ESCO1: variants seen among roughly 807,000 people sequenced by gnomAD.
The protein encoded by ESCO1 is N-acetyltransferase ESCO1.
In ESCO1, 33 loss-of-function variants were observed where a neutral mutation model predicts 83.5. The observed-to-expected ratio is 0.40, with a 90% CI of 0.30 to 0.53. ESCO1 has a LOEUF of 0.53. Among genes scored for constraint, ESCO1 ranks in the 20% least tolerant of loss-of-function variants. The pLI is 0.63. For missense variants in ESCO1, 855 were observed against 968.0 expected (o/e 0.88, Z 1.55); for synonymous variants, 332 against 324.3 (o/e 1.02, Z -0.25).
chr18:21,540,102 A>C (rs2037886421), intron 8 of ESCO1, 93 bp from the exon 9 acceptor site: 1 of 1,150,426 alleles, frequency 8.7e-7, no homozygotes, highest in Admixed American at 2.7e-5. Flanking sequence ...TAAAAAGTAC[A>C]TCAATTTGTC....
chr18:21,544,513 C>T (rs2146179133), intron 8 of ESCO1, among the ~76,000 whole-genome samples: 1 of 151,088 alleles, frequency 6.6e-6, no homozygotes, highest in African/African-American at 2.4e-5. Context: ...CCTGTAATCC[C>T]AGCTACTTGG....
chr18:21,596,380 C>T (rs1421355483), intron 1 of ESCO1, among the ~76,000 whole-genome samples: 1 of 151,862 alleles, frequency 6.6e-6, no homozygotes, highest in African/African-American at 2.4e-5. Flanking sequence ...TTTTAATTTA[C>T]CCTCTGAGTT....
At chr18:21,533,201 A>T (rs1231592043) in intron 10 of ESCO1, among the ~76,000 whole-genome samples, 1 of 152,190 alleles carries the variant, frequency 6.6e-6, no homozygotes, top group Admixed American at 6.5e-5. Context: ...TAAAAAACAT[A>T]TATCTCTTTT....
chr18:21,551,652 A>G (rs1263393799), intron 8 of ESCO1, among the ~76,000 whole-genome samples: 1 of 152,208 alleles, frequency 6.6e-6, no homozygotes, highest in Non-Finnish European at 1.5e-5. Context: ...GTGGCCTGAC[A>G]TGGCAGTCTG....
chr18:21,532,074 T>C (rs2037774245), intron 11 of ESCO1, among the ~76,000 whole-genome samples: 1 of 152,098 alleles, frequency 6.6e-6, no homozygotes, highest in Non-Finnish European at 1.5e-5. Flanking sequence ...AATAAGAGAT[T>C]TTGATAGTTT....
chr18:21,544,898 T>C (rs1357821854), intron 8 of ESCO1, among the ~76,000 whole-genome samples: 1 of 152,168 alleles, frequency 6.6e-6, no homozygotes, highest in African/African-American at 2.4e-5. Context: ...AAAACTAATC[T>C]AGTCAGCGTT....
At chr18:21,560,757 A>G (rs1405829055) in intron 8 of ESCO1, 102 bp downstream of exon 8, 2 of 1,431,490 alleles carry the variant, frequency 1.4e-6, no homozygotes, top group Admixed American at 2.4e-5. Flanking sequence ...TATCTCTTAA[A>G]AACATAAATT....
intron 1 of ESCO1, among the ~76,000 whole-genome samples, chr18:21,591,093 GA>G (rs976515101): frequency 6.6e-6 from 1 of 152,106 alleles, no homozygotes; most frequent in Non-Finnish European, 1.5e-5. Context: ...CTTATTTGGG[GA>G]AAAAAGGTCT....
intron 5 of ESCO1, 52 bp downstream of exon 5, chr18:21,567,928 C>T: frequency 7.2e-7 from 1 of 1,396,006 alleles, no homozygotes; most frequent in Non-Finnish European, 1.0e-6. Flanking sequence ...GTAATACTGA[C>T]AAAAATGTCA....
At chr18:21,587,117 T>C (rs1244278380) in intron 1 of ESCO1, among the ~76,000 whole-genome samples, 5 of 152,244 alleles carry the variant, frequency 3.3e-5, no homozygotes, top group African/African-American at 1.2e-4. Context: ...ATCATTTTTA[T>C]AAGTTGCTGG....
At chr18:21,588,979 C>G (rs1228259500) in intron 1 of ESCO1, among the ~76,000 whole-genome samples, 1 of 152,108 alleles carries the variant, frequency 6.6e-6, no homozygotes, top group Non-Finnish European at 1.5e-5. Context: ...CGGTGGCTCA[C>G]GCCTGTAAGC....
chr18:21,561,932 G>C (rs1568101374), intron 7 of ESCO1, among the ~76,000 whole-genome samples: 1 of 151,644 alleles, frequency 6.6e-6, no homozygotes, highest in Admixed American at 6.6e-5. Flanking sequence ...AGGCTGGAGT[G>C]CAGTGGCGCC....
intron 1 of ESCO1, among the ~76,000 whole-genome samples, 151 bp from the exon 2 acceptor site, chr18:21,584,591 A>T (rs2038547947): frequency 6.6e-6 from 1 of 152,032 alleles, no homozygotes; most frequent in African/African-American, 2.4e-5. Flanking sequence ...AGGATCAAGG[A>T]TCAAGGATCG....
At position 21,554,284 on chromosome 18, in the gene ESCO1, C is replaced by T. The variant is rs956512400; in HGVS notation, c.1953+6575G>A. Among the ~76,000 whole-genome samples the T allele has an allele frequency of 6.6e-5, 10 of 152,318 alleles. No individual in the cohort carries two copies. The South Asian group carries it at 2.1e-3, about 32-fold the overall frequency. ...CTTACCATACGATCCAGCAATCAAG[C>T]GTCTTGGTATTTACCAAAAAGAGCT... is the stretch of plus-strand genomic sequence containing the variant. On this transcript the variant is annotated intron_variant, in intron 8 of 11. Coordinates refer to ENST00000269214, the MANE Select transcript of ESCO1 (RefSeq NM_052911.3).
chr18:21,600,556 C>T (rs995880098), intron 1 of ESCO1, 67 bp downstream of exon 1: 1 of 152,382 alleles, frequency 6.6e-6, no homozygotes. Context: ...CTGTCCGCTC[C>T]CTGAAGGGGC....
intron 9 of ESCO1, among the ~76,000 whole-genome samples, chr18:21,536,503 A>T (rs1033458743): frequency 2.0e-5 from 3 of 151,748 alleles, no homozygotes; most frequent in Non-Finnish European, 2.9e-5. Flanking sequence ...AGACAGGAGA[A>T]TCCCTTGAAC....
At chr18:21,535,902 G>T in intron 10 of ESCO1, 140 bp downstream of exon 10, 1 of 973,130 alleles carries the variant, frequency 1.0e-6, no homozygotes, top group Non-Finnish European at 1.5e-6. Context: ...CTATGGTGAA[G>T]ACTCACACAT....
At chr18:21,545,724 T>C (rs1051929995) in intron 8 of ESCO1, among the ~76,000 whole-genome samples, 1 of 151,498 alleles carries the variant, frequency 6.6e-6, no homozygotes, top group African/African-American at 2.4e-5. Flanking sequence ...AGGTCAGGAG[T>C]TCGAGACCAG....
At chr18:21,538,104 A>G (rs1451576621) in intron 9 of ESCO1, among the ~76,000 whole-genome samples, 1 of 152,112 alleles carries the variant, frequency 6.6e-6, no homozygotes, top group African/African-American at 2.4e-5. Flanking sequence ...TATGTTATCA[A>G]TAAGGTTACC....
Sources: gnomAD v4.1 joint callset for allele counts (sites outside exome capture counted in the v4.1 genomes callset) on GRCh38, gnomAD v4.1.1 for gene constraint, MANE v1.5 for transcripts, NCBI Gene and HGNC (gene_info 2026-07-23, HGNC 2026-07-21) for gene names.